The following MARCHF8 variants were observed in gnomAD, a reference collection of about 807,000 sequenced individuals.
The protein encoded by MARCHF8 is E3 ubiquitin-protein ligase MARCHF8.
A neutral mutation model predicts 51.6 loss-of-function variants in MARCHF8; 40 were observed. The observed-to-expected ratio is 0.77, with a 90% CI of 0.60 to 1.01. MARCHF8 has a LOEUF of 1.01. MARCHF8 is among the 50% of genes least tolerant of loss of function. MARCHF8 has a pLI of 0.00. For synonymous variants in MARCHF8, 263 were observed against 280.3 expected, an observed-to-expected ratio of 0.94 and a Z score of 0.62; for missense variants, 685 against 708.6, an observed-to-expected ratio of 0.97 and a Z score of 0.38.
In MARCHF8 at chr10:45,505,969, G is replaced by A. The variant is rs2043374699; in HGVS notation, c.103-16552C>T. ...TCATAAACTCTTTCCGCATCTGCGT[G>A]TCTATGTGTAATTCAGAAAGGCTGT... is the stretch of plus-strand genomic sequence containing the variant. On this transcript the variant is annotated intron_variant, in intron 2 of 7. Transcript: ENST00000453424. Among the ~76,000 whole-genome samples, 2 of 152,212 alleles carry A rather than the reference G, an allele frequency of 1.3e-5. 1 individual carries two copies. Among genetic ancestry groups the A allele is most frequent in the South Asian group, 4.1e-4 (2 of 4,834 alleles).
chr10:45,479,810 C>A (rs185043710), intron 3 of MARCHF8, among the ~76,000 whole-genome samples: 1 of 152,210 alleles, frequency 6.6e-6, no homozygotes, highest in South Asian at 2.1e-4. Context: ...TGAAAACAGA[C>A]CAATACAGTA....
At chr10:45,476,534 C>CGA (rs1179210224) in intron 3 of MARCHF8, among the ~76,000 whole-genome samples, 1 of 152,202 alleles carries the variant, frequency 6.6e-6, no homozygotes, top group Non-Finnish European at 1.5e-5. Context: ...CACCACTGTA[C>CGA]TCCTGCCTGG....
At chr10:45,489,006 C>T (rs1213801101) in intron 3 of MARCHF8, among the ~76,000 whole-genome samples, 1 of 152,126 alleles carries the variant, frequency 6.6e-6, no homozygotes, top group Non-Finnish European at 1.5e-5. Context: ...TCAAATGAAC[C>T]ATATAAATCC....
At chr10:45,524,581 G>GATGC (rs1564501396) in intron 2 of MARCHF8, among the ~76,000 whole-genome samples, 1 of 152,184 alleles carries the variant, frequency 6.6e-6, no homozygotes. Flanking sequence ...TTATTTTAAA[G>GATGC]ATGCATATTC....
intron 2 of MARCHF8, among the ~76,000 whole-genome samples, chr10:45,520,087 C>G (rs902680513): frequency 6.6e-6 from 1 of 152,166 alleles, no homozygotes; most frequent in Non-Finnish European, 1.5e-5. Context: ...ACATACCCAA[C>G]CTTTTTGATT....
At position 45,492,300 on chromosome 10, in the gene MARCHF8, T is replaced by C. The variant is rs1024660958; in HGVS notation, c.103-2883A>G. Among the ~76,000 whole-genome samples the C allele has an allele frequency of 5.3e-5, 8 of 151,050 alleles. 1 individual carries two copies. Among genetic ancestry groups the C allele is most frequent in the Middle Eastern group, 6.8e-3 (2 of 292 alleles). On this transcript the variant is annotated intron_variant, in intron 2 of 7. Coordinates refer to ENST00000453424, the MANE Select transcript of MARCHF8 (RefSeq NM_001282866.2). ...TTTTCTTCTTCTTCTTCTTCTTCTT[T>C]TTTTTTTTCTTTTTTGATACGTAGT...
chr10:45,479,719 C>A (rs999559444), intron 3 of MARCHF8, among the ~76,000 whole-genome samples: 5 of 152,210 alleles, frequency 3.3e-5, no homozygotes, highest in African/African-American at 1.2e-4. Context: ...GAGGCCTCCC[C>A]AGCCATGTGG....
At chr10:45,553,528 GACA>G (rs982671035) in intron 1 of MARCHF8, among the ~76,000 whole-genome samples, 17 of 152,002 alleles carry the variant, frequency 1.1e-4, no homozygotes, top group African/African-American at 3.4e-4. Flanking sequence ...CCCTCTAAAA[GACA>G]ACAACAACAA....
intron 2 of MARCHF8, among the ~76,000 whole-genome samples, chr10:45,512,143 G>C (rs1216674759): frequency 2.0e-5 from 3 of 151,450 alleles, no homozygotes; most frequent in Non-Finnish European, 1.5e-5. Flanking sequence ...ACCCCGTCTG[G>C]GAGGTGAGGA....
rs192165840 is a variant in MARCHF8 at position 45,463,720 on chromosome 10, G to A, written c.519C>T (p.Ala173=). ...CTTCAGAACAAGTTCTTTCCACATA[G>A]GCAAAACTTTCTGAAGTATCCTGCG... ...EKAQDTSESF[A]YVERTCSEGK... The change falls in exon 5 of 8, where the codon GCC becomes GCT. Residue 173 remains alanine, a synonymous_variant. Transcript: ENST00000453424. 2.4e-4 allele frequency: 369 copies of A among 1,551,114 alleles called. 1 individual carries two copies. In the African/African-American group the frequency reaches 4.2e-3, roughly 18 times the overall value.
intron 2 of MARCHF8, among the ~76,000 whole-genome samples, chr10:45,503,744 A>G (rs1377909447): frequency 6.6e-6 from 1 of 152,142 alleles, no homozygotes; most frequent in Non-Finnish European, 1.5e-5. Flanking sequence ...ACATAAATGG[A>G]GAGACAAAAT....
At chr10:45,461,715 G>A (rs1164187762) in intron 5 of MARCHF8, 1 of 225,008 alleles carries the variant, frequency 4.4e-6, no homozygotes. Context: ...TGAATTTAAA[G>A]CAACATGGAA....
At chr10:45,465,674 A>T (rs908542874) in intron 3 of MARCHF8, among the ~76,000 whole-genome samples, 1 of 152,248 alleles carries the variant, frequency 6.6e-6, no homozygotes, top group African/African-American at 2.4e-5. Context: ...GCAGAGATTC[A>T]ACAGCACTTT....
intron 1 of MARCHF8, among the ~76,000 whole-genome samples, chr10:45,547,787 T>C (rs1031329234): frequency 1.3e-5 from 2 of 152,318 alleles, no homozygotes; most frequent in Non-Finnish European, 2.9e-5. Context: ...GACAGGCCTT[T>C]TGTTGTCTTT....
intron 1 of MARCHF8, among the ~76,000 whole-genome samples, chr10:45,542,986 A>T (rs1438288810): frequency 1.3e-5 from 2 of 152,196 alleles, no homozygotes; most frequent in Non-Finnish European, 2.9e-5. Flanking sequence ...TTCTAGGAAA[A>T]GGTGGTCTAC....
Position 45,458,690 on chromosome 10 carries a change from G to C in MARCHF8, c.1418-147C>G, listed in dbSNP as rs561204976. On this transcript the variant is annotated intron_variant, in intron 7 of 7. Transcript: ENST00000453424. The stretch of plus-strand genomic sequence containing the variant: ...GAGTCTTGCTATGTTGCCCAGGCTG[G>C]AGTGCAGTGGCTATTCACAGGTGTG... 2.4e-4 allele frequency: 206 copies of C among 845,758 alleles called. 1 individual carries two copies. The highest frequency in any genetic ancestry group is 3.4e-4 in the Non-Finnish European group (192 of 561,818). 52.4% of individuals were successfully genotyped at this position (845,758 alleles called of 1,614,324 possible). A position where few individuals can be genotyped will look rare whatever the true frequency, so the allele number is the denominator to read the frequency against.
chr10:45,485,471 T>G (rs1041359571), intron 3 of MARCHF8, among the ~76,000 whole-genome samples: 4 of 152,162 alleles, frequency 2.6e-5, no homozygotes, highest in Non-Finnish European at 5.9e-5. Context: ...CCAATATGCT[T>G]CTTCTATTAA....
intron 1 of MARCHF8, chr10:45,552,997 G>A (rs1426932482): frequency 1.3e-5 from 2 of 152,112 alleles, no homozygotes; most frequent in Non-Finnish European, 2.9e-5. Flanking sequence ...CATCCATACA[G>A]GCATATTACT....
chr10:45,549,727 T>C (rs545885333), intron 1 of MARCHF8, among the ~76,000 whole-genome samples: 1 of 152,328 alleles, frequency 6.6e-6, no homozygotes, highest in African/African-American at 2.4e-5. Context: ...AATGCTGTTA[T>C]TGAGGAAGTA....
Sources: gnomAD v4.1 joint callset for allele counts (sites outside exome capture counted in the v4.1 genomes callset) on GRCh38, gnomAD v4.1.1 for gene constraint, MANE v1.5 for transcripts, NCBI Gene and HGNC (gene_info 2026-07-23, HGNC 2026-07-21) for gene names.